Variants in MINDY2 observed in about 807,000 individuals in gnomAD.
The protein encoded by MINDY2 is ubiquitin carboxyl-terminal hydrolase MINDY-2.
In MINDY2, 52 loss-of-function variants were observed where a neutral mutation model predicts 68.2. The ratio of observed to expected loss-of-function variants is 0.76; its 90% CI spans 0.61 to 0.96. The LOEUF is 0.96. Among genes scored for constraint, MINDY2 ranks in the 40% least tolerant of loss-of-function variants. The pLI, the probability that MINDY2 is intolerant of heterozygous loss-of-function variation, is 0.00. For missense variants in MINDY2, 881 were observed against 773.4 expected (o/e 1.14, Z -1.65); for synonymous variants, 372 against 303.0 (o/e 1.23, Z -2.36).
rs534891599 is a variant in MINDY2 at position 58,855,450 on chromosome 15, G to T, written c.*840G>T. 1 of 152,554 alleles carries T rather than the reference G, an allele frequency of 6.6e-6. No homozygotes were observed. The highest frequency in any genetic ancestry group is 1.5e-5 in the Non-Finnish European group (1 of 68,024). 9.5% of individuals were successfully genotyped at this position (152,554 alleles called of 1,614,324 possible). A position where few individuals can be genotyped will look rare whatever the true frequency, so the allele number is the denominator to read the frequency against. ...GTGGATGCTAGGCTTTGTAAATATG[G>T]GGATGTAGAAAAGCAGATAGTTCAG... On this transcript the variant is annotated 3_prime_UTR_variant, in exon 9 of 9. Coordinates refer to ENST00000559228, the MANE Select transcript of MINDY2 (RefSeq NM_001040450.3).
chr15:58,805,005 GT>G (rs1902919846), intron 3 of MINDY2, among the ~76,000 whole-genome samples: 2 of 152,196 alleles, frequency 1.3e-5, no homozygotes, highest in East Asian at 3.9e-4. Context: ...GCTTGCAAAT[GT>G]TATCAGCATT....
At chr15:58,816,165 T>C (rs538002834) in intron 4 of MINDY2, among the ~76,000 whole-genome samples, 1 of 152,178 alleles carries the variant, frequency 6.6e-6, no homozygotes, top group African/African-American at 2.4e-5. Context: ...AGCAAGGACT[T>C]GGCAGTGCTT....
At chr15:58,777,539 C>G (rs141001045) in intron 1 of MINDY2, among the ~76,000 whole-genome samples, 3 of 151,720 alleles carry the variant, frequency 2.0e-5, no homozygotes, top group African/African-American at 7.3e-5. Context: ...TTTGGGAGGC[C>G]GAGGCCAGAG....
intron 1 of MINDY2, among the ~76,000 whole-genome samples, chr15:58,783,633 G>A (rs1424303334): frequency 6.6e-6 from 1 of 152,130 alleles, no homozygotes; most frequent in African/African-American, 2.4e-5. Flanking sequence ...CTCTTTAGAT[G>A]ATTAAGAATT....
chr15:58,851,605 GT>G (rs1461669880), intron 7 of MINDY2, among the ~76,000 whole-genome samples, 165 bp from the exon 8 acceptor site: 4 of 151,822 alleles, frequency 2.6e-5, no homozygotes, highest in African/African-American at 4.8e-5. Context: ...CACCTGGCTG[GT>G]TTTTAAACTT....
chr15:58,819,197 C>T (rs2030899585), intron 4 of MINDY2, among the ~76,000 whole-genome samples: 1 of 152,048 alleles, frequency 6.6e-6, no homozygotes, highest in Admixed American at 6.6e-5. Context: ...GCCTGTGATC[C>T]CAACATTTTG....
rs146751052 is a variant in MINDY2 at position 58,844,061 on chromosome 15, G to A, written c.1369-3236G>A. Reference sequence around the variant, plus strand: ...AGTATTTTAAAAACTGATGAAATTAGAAGGAAGATTTGAGTCTTAAGAAAG... The same window carrying A: ...AGTATTTTAAAAACTGATGAAATTAAAAGGAAGATTTGAGTCTTAAGAAAG... On this transcript the variant is annotated intron_variant, in intron 6 of 8. Coordinates refer to ENST00000559228, the MANE Select transcript of MINDY2 (RefSeq NM_001040450.3). Among the ~76,000 whole-genome samples the A allele has an allele frequency of 2.9e-3, 435 of 152,110 alleles. 1 individual carries two copies. Among genetic ancestry groups the A allele is most frequent in the Middle Eastern group, 0.024 (7 of 294 alleles).
intron 5 of MINDY2, among the ~76,000 whole-genome samples, chr15:58,826,842 C>A (rs1018508274): frequency 3.3e-5 from 5 of 152,116 alleles, no homozygotes; most frequent in Non-Finnish European, 4.4e-5. Context: ...AGTTCTGTAA[C>A]CTTATTCCTT....
intron 8 of MINDY2, among the ~76,000 whole-genome samples, chr15:58,853,639 T>C (rs896892705): frequency 6.6e-6 from 1 of 151,684 alleles, no homozygotes; most frequent in Non-Finnish European, 1.5e-5. Flanking sequence ...GCCAATATGA[T>C]GAAACCCTGT....
At chr15:58,775,444 C>G (rs1425239146) in intron 1 of MINDY2, among the ~76,000 whole-genome samples, 3 of 152,072 alleles carry the variant, frequency 2.0e-5, no homozygotes, top group African/African-American at 7.3e-5. Flanking sequence ...GATATTGGAG[C>G]TATTATAAAT....
chr15:58,837,556 G>A (rs1016979646), intron 6 of MINDY2, among the ~76,000 whole-genome samples: 1 of 149,778 alleles, frequency 6.7e-6, no homozygotes, highest in East Asian at 1.9e-4. Context: ...AAAAAAAAAG[G>A]AAACCTTTTT....
chr15:58,809,642 A>C (rs1472265328), intron 3 of MINDY2, among the ~76,000 whole-genome samples: 3 of 152,212 alleles, frequency 2.0e-5, no homozygotes, highest in Non-Finnish European at 4.4e-5. Context: ...GTGGTCTAAA[A>C]TAGGTCCTTC....
intron 3 of MINDY2, among the ~76,000 whole-genome samples, chr15:58,805,085 G>A (rs763482004): frequency 2.6e-5 from 4 of 152,184 alleles, no homozygotes; most frequent in Non-Finnish European, 4.4e-5. Flanking sequence ...AGGGAATTTG[G>A]AATATTGGCT....
At chr15:58,796,145 T>G (rs1340809117) in intron 2 of MINDY2, 5 of 455,722 alleles carry the variant, frequency 1.1e-5, no homozygotes, top group Non-Finnish European at 2.2e-5. Context: ...GAAGTTTGGG[T>G]ACAAATGGGT....
intron 1 of MINDY2, among the ~76,000 whole-genome samples, chr15:58,787,140 C>CTTT (rs58374538): frequency 0.011 from 871 of 78,128 alleles, 55 homozygotes; most frequent in African/African-American, 0.025. Context: ...CATTTCTTTA[C>CTTT]TTTTTTTTTT....
chr15:58,847,580 G>A (rs2032599287), intron 7 of MINDY2, 110 bp downstream of exon 7: 1 of 884,476 alleles, frequency 1.1e-6, no homozygotes, highest in Non-Finnish European at 1.6e-6. Context: ...ATATGCTTGT[G>A]AAATTTTCCT....
chr15:58,771,874 G>A lies in MINDY2; in HGVS notation c.479G>A (p.Ser160Asn). 6.3e-7 allele frequency: 1 copy of A among 1,579,308 alleles called. No individual in the cohort carries two copies. Among genetic ancestry groups the A allele is most frequent in the Middle Eastern group, 1.7e-4 (1 of 5,874 alleles). ...AGCAGCGCCGGCGGCCTCAGCAGCA[G>A]TTGCAGCGACCCGAGCCCTCCTGGG... is the stretch of plus-strand genomic sequence containing the variant. ...EPSSAGGLSS[S>N]CSDPSPPGES... The change falls in exon 1 of 9, where the codon AGT (serine) becomes AAT (asparagine). Residue 160 changes from serine (S) to asparagine (N), a missense_variant. By Grantham distance (46) the Ser-to-Asn change is conservative (BLOSUM62 1). Coordinates refer to ENST00000559228, the MANE Select transcript of MINDY2 (RefSeq NM_001040450.3).
At position 58,795,475 on chromosome 15, in the gene MINDY2, A is replaced by G. The variant is rs561508258; in HGVS notation, c.899-6838A>G. ...GGCTGGAGTGCAGTGGCGCGATCTC[A>G]GCTCACTGCAAGCTCCACCTTCGGG... On this transcript the variant is annotated intron_variant, in intron 2 of 8. Coordinates refer to ENST00000559228, the MANE Select transcript of MINDY2 (RefSeq NM_001040450.3). 2.0e-5 allele frequency among the ~76,000 whole-genome samples: 3 copies of G among 152,048 alleles called. No homozygotes were observed. In the East Asian group the frequency reaches 5.9e-4, roughly 30 times the overall value.
chr15:58,771,605 G>A lies in MINDY2; in HGVS notation c.210G>A (p.Ala70=). ...RRSLPDSASP[A]GSPEVPGPCS... ...GCCTCCCGGACTCGGCTTCTCCCGC[G>A]GGCTCTCCTGAGGTTCCCGGACCCT... Residue 70 remains alanine, a synonymous_variant, in exon 1 of 9, where the codon GCG becomes GCA. Transcript: ENST00000559228. 1 of 1,611,894 alleles carries A rather than the reference G, an allele frequency of 6.2e-7. No individual in the cohort carries two copies.
Sources: allele counts gnomAD v4.1 joint callset (sites outside exome capture counted in the v4.1 genomes callset), GRCh38; gene constraint gnomAD v4.1.1; transcripts MANE v1.5; gene names NCBI Gene and HGNC (gene_info 2026-07-23, HGNC 2026-07-21).